Variants in CARS2 observed in about 807,000 individuals in gnomAD.
CARS2 encodes the protein cysteinyl-tRNA synthetase 2, mitochondrial, also known as probable cysteine--tRNA ligase, mitochondrial.
Under a neutral mutation model 68.8 loss-of-function variants are expected in CARS2, and 52 were observed. That is an observed-to-expected ratio of 0.76 (90% CI 0.61 to 0.95). The LOEUF (loss-of-function observed/expected upper bound fraction) is 0.95. CARS2 is among the 40% of genes least tolerant of loss of function. The pLI is 0.00. For synonymous variants in CARS2, 314 were observed against 303.6 expected (o/e 1.03, Z -0.36); for missense variants, 780 against 754.2 (o/e 1.03, Z -0.40).
At chr13:110,713,012 A>T (rs779437095) in intron 1 of CARS2, 1 of 1,528,108 alleles carries the variant, frequency 6.5e-7, no homozygotes, top group South Asian at 1.2e-5. Context: ...CCGCAGCTCA[A>T]AGGACACCGA....
Position 110,705,858 on chromosome 13 carries a change from C to A in CARS2, c.224+12G>T, listed in dbSNP as rs1375692345. The A allele has an allele frequency of 6.5e-7, 1 of 1,549,544 alleles. No individual in the cohort carries two copies. Among genetic ancestry groups the A allele is most frequent in the South Asian group, 1.2e-5 (1 of 84,030 alleles). ...TCGGCCCCCGCCCGTGCCCCAGTCCCGCGCGGCCCACCAGGAGGCGGCTTC... is the reference window on the plus strand; with the variant it reads ...TCGGCCCCCGCCCGTGCCCCAGTCCAGCGCGGCCCACCAGGAGGCGGCTTC... On this transcript the variant is annotated intron_variant, in intron 1 of 14. Transcript: ENST00000257347. The surrounding 1 kb of genome is among the most constrained non-coding windows in gnomAD (Gnocchi z 4.0).
intron 13 of CARS2, 74 bp from the exon 14 acceptor site, chr13:110,642,595 G>A (rs781688053): frequency 1.4e-6 from 2 of 1,445,066 alleles, no homozygotes; most frequent in South Asian, 1.1e-5. Context: ...CCCCGTGGTT[G>A]GGCTCTGGGC....
At chr13:110,694,696 C>A (rs935593036) in intron 3 of CARS2, among the ~76,000 whole-genome samples, 1 of 152,060 alleles carries the variant, frequency 6.6e-6, no homozygotes, top group South Asian at 2.1e-4. Context: ...TTAATTCTTA[C>A]CCCAGATTTG....
chr13:110,644,044 C>G (rs1887760809), intron 13 of CARS2: 1 of 1,229,846 alleles, frequency 8.1e-7, no homozygotes, highest in Non-Finnish European at 1.1e-6. Context: ...TCAAATGGGT[C>G]AGGAAAAAAT....
chr13:110,660,763 CTTTTTTTTT>C (rs201474441), intron 9 of CARS2, among the ~76,000 whole-genome samples: 2 of 132,850 alleles, frequency 1.5e-5, no homozygotes, highest in Non-Finnish European at 3.1e-5. Flanking sequence ...TAGCATAATT[CTTTTTTTTT>C]TTTTTTTTTG....
In CARS2 at chr13:110,644,440, A is replaced by AT. The variant is rs1555342802; in HGVS notation, c.1360dup (p.Ile454AsnfsTer5). ...TTCAAAAAACTGTTCAAAGTAAGAG[A>AT]TGATGGCACCAAACACAGCAGGACT... On this transcript the variant is annotated frameshift_variant, in exon 13 of 15. Coordinates refer to ENST00000257347, the MANE Select transcript of CARS2 (RefSeq NM_024537.4). LOFTEE classifies it high-confidence loss of function. 2 of 1,614,108 alleles carry AT rather than the reference A, an allele frequency of 1.2e-6. No individual in the cohort carries two copies. Among genetic ancestry groups the AT allele is most frequent in the Non-Finnish European group, 8.5e-7 (1 of 1,180,030 alleles).
intron 9 of CARS2, among the ~76,000 whole-genome samples, chr13:110,662,113 G>A (rs754568755): frequency 2.0e-5 from 3 of 152,250 alleles, no homozygotes; most frequent in South Asian, 2.1e-4. Context: ...CAGCATCTGC[G>A]AAGTGCGGTC....
rs1272524181 is a variant in CARS2 at position 110,653,752 on chromosome 13, T to C, written c.988-2652A>G. Among the ~76,000 whole-genome samples the C allele has an allele frequency of 6.6e-6, 1 of 152,204 alleles. No homozygotes were observed. The highest frequency in any genetic ancestry group is 2.4e-5 in the African/African-American group (1 of 41,450). On this transcript the variant is annotated intron_variant, in intron 9 of 14. Transcript: ENST00000257347. This position sits in a 1 kb window ranked among gnomAD's most constrained non-coding sequence, Gnocchi z 5.6. ...TCTGGAATCTAATCTTTCTAGAGCA[T>C]TGAGTTTATACGGACTAAAGGAGAA...
At chr13:110,709,863 C>CGAGGAAGTGTGAAGTGT (rs143213491), upstream of CARS2, among the ~76,000 whole-genome samples, 822 of 152,182 alleles carry the variant, frequency 5.4e-3, 11 homozygotes, top group African/African-American at 0.019. Context: ...TAGGTCAGAA[C>CGAGGAAGTGTGAAGTGT]GAGGAAGTGT....
upstream of CARS2, chr13:110,706,298 T>C (rs1594439383): frequency 1.5e-5 from 5 of 334,000 alleles, no homozygotes; most frequent in Admixed American, 5.0e-5. Flanking sequence ...CCCGAAGAGG[T>C]TGGGGCGGGG....
chr13:110,642,614 A>G, intron 13 of CARS2, 93 bp from the exon 14 acceptor site: 1 of 1,243,046 alleles, frequency 8.0e-7, no homozygotes, highest in East Asian at 2.3e-5. Context: ...GCCGACACCC[A>G]CCCAGCCCTG....
chr13:110,660,620 T>G (rs2062477122), intron 9 of CARS2, among the ~76,000 whole-genome samples: 1 of 152,248 alleles, frequency 6.6e-6, no homozygotes, highest in East Asian at 1.9e-4. Flanking sequence ...TGTCAATATT[T>G]GGAAAGGAAT....
At chr13:110,681,022 G>A (rs959458596) in intron 6 of CARS2, among the ~76,000 whole-genome samples, 2 of 152,224 alleles carry the variant, frequency 1.3e-5, no homozygotes, top group African/African-American at 2.4e-5. Context: ...CCACTAGGGG[G>A]TGACCGCAGG....
Position 110,670,792 on chromosome 13 carries a change from T to C in CARS2, c.786-3319A>G, listed in dbSNP as rs966181405. ...AGCTAAAGGAGGATGTTTGAACCCATCATAAAGAAGCTAAAAACCTTCAAA... is the reference window on the plus strand; with the variant it reads ...AGCTAAAGGAGGATGTTTGAACCCACCATAAAGAAGCTAAAAACCTTCAAA... On this transcript the variant is annotated intron_variant, in intron 7 of 14. Coordinates refer to ENST00000257347, the MANE Select transcript of CARS2 (RefSeq NM_024537.4). This position sits in a 1 kb window ranked among gnomAD's most constrained non-coding sequence, Gnocchi z 4.1. Among the ~76,000 whole-genome samples the C allele has an allele frequency of 4.6e-5, 7 of 151,942 alleles. No individual in the cohort carries two copies. The highest frequency in any genetic ancestry group is 1.5e-4 in the African/African-American group (6 of 41,356).
At chr13:110,710,946 TAA>T (rs58342301), upstream of CARS2, among the ~76,000 whole-genome samples, 59 of 151,848 alleles carry the variant, frequency 3.9e-4, 1 homozygote, top group Non-Finnish European at 4.1e-4. Flanking sequence ...TTTTTTTTTT[TAA>T]AAAGAAAACC....
At chr13:110,649,839 A>G (rs2062153050) in intron 10 of CARS2, among the ~76,000 whole-genome samples, 1 of 151,102 alleles carries the variant, frequency 6.6e-6, no homozygotes, top group South Asian at 2.1e-4. Context: ...ATACACTGGG[A>G]CCTTATTGCC....
intron 9 of CARS2, among the ~76,000 whole-genome samples, chr13:110,660,348 C>T (rs974613562): frequency 3.4e-4 from 51 of 152,184 alleles, no homozygotes; most frequent in Admixed American, 2.0e-3. Flanking sequence ...TTGACCTATT[C>T]CCATCAATCA....
At chr13:110,666,674 A>T (rs533017547) in intron 8 of CARS2, 3 of 985,406 alleles carry the variant, frequency 3.0e-6, no homozygotes, top group African/African-American at 1.7e-5. Flanking sequence ...ACTTCAAAAG[A>T]TAGTATTTGT....
chr13:110,673,087 C>T (rs11842232), intron 7 of CARS2, among the ~76,000 whole-genome samples: 21,365 of 152,070 alleles, frequency 0.14, 1,610 homozygotes, highest in Middle Eastern at 0.17. Flanking sequence ...GCCTACCAAC[C>T]AGAAAAAGTC....
Sources: gnomAD v4.1 joint callset for allele counts (sites outside exome capture counted in the v4.1 genomes callset) on GRCh38, gnomAD v4.1.1 for gene constraint, Gnocchi (gnomAD v3.1) non-coding constraint, MANE v1.5 for transcripts, NCBI Gene and HGNC (gene_info 2026-07-23, HGNC 2026-07-21) for gene names.